The following ZNF594 variants were observed in gnomAD, a reference collection of about 807,000 sequenced individuals.
ZNF594 encodes zinc finger protein 594.
For synonymous variants in ZNF594, 336 were observed against 309.4 expected, an observed-to-expected ratio of 1.09 and a Z score of -0.90; for missense variants, 1,037 against 964.6, an observed-to-expected ratio of 1.08 and a Z score of -0.99.
At position 5,182,366 on chromosome 17, in the gene ZNF594, T is replaced by C. The variant is rs1318082298; in HGVS notation, c.1891A>G (p.Lys631Glu). 1 of 1,613,482 alleles carries C rather than the reference T, an allele frequency of 6.2e-7. No homozygotes were observed. Among genetic ancestry groups the C allele is most frequent in the East Asian group, 2.2e-5 (1 of 44,848 alleles). Residue 631 changes from lysine (K) to glutamate (E), a missense_variant, in exon 2 of 2, where the codon AAA becomes GAA. Physicochemically the swap from Lys to Glu is moderately conservative, Grantham distance 56. Transcript: ENST00000575779. Reference sequence around the variant, plus strand: ...AGATCTGAGCTACCCCTAAAAGATTTCCCACATTTGTTGCATACATAAGGT... The same window carrying C: ...AGATCTGAGCTACCCCTAAAAGATTCCCCACATTTGTTGCATACATAAGGT... Reference protein sequence around the residue: ...EKPYVCNKCGKSFRGSSDLIK... With the variant: ...EKPYVCNKCGESFRGSSDLIK...
At position 5,184,213 on chromosome 17, in the gene ZNF594, T is replaced by A. The variant is rs989885723; in HGVS notation, c.44A>T (p.Lys15Met). 3.1e-6 allele frequency: 5 copies of A among 1,613,172 alleles called. No homozygotes were observed. The highest frequency in any genetic ancestry group is 3.3e-4 in the Middle Eastern group (2 of 6,058). The change falls in exon 2 of 2, where the codon AAG becomes ATG. Residue 15 changes from lysine to methionine, a missense_variant. Lys to Met is a moderately conservative substitution (Grantham distance 95, BLOSUM62 -1). Transcript: ENST00000575779. ...KSKMEISEEKKSARAASEKLQ... is the reference protein window; with the variant it reads ...KSKMEISEEKMSARAASEKLQ... ...TTTTTCGGATGCAGCCCTTGCTGACTTCTTTTCTTCAGAAATTTCCATCTT... is the reference window on the plus strand; with the variant it reads ...TTTTTCGGATGCAGCCCTTGCTGACATCTTTTCTTCAGAAATTTCCATCTT...
In ZNF594 at chr17:5,181,278, C is replaced by G; in HGVS notation, c.*555G>C. 6.2e-7 allele frequency: 1 copy of G among 1,612,654 alleles called. No homozygotes were observed. Among genetic ancestry groups the G allele is most frequent in the Non-Finnish European group, 8.5e-7 (1 of 1,178,648 alleles). On this transcript the variant is annotated 3_prime_UTR_variant, in exon 2 of 2. Coordinates refer to ENST00000575779, the MANE Select transcript of ZNF594 (RefSeq NM_032530.2). ...TCTATGATGTCTCAGAAGGTCTGAG[C>G]TCTGATTGAAAGTTTTCCCACATTC...
chr17:5,191,326 G>C (rs1361701849), intron 1 of ZNF594: 1 of 152,186 alleles, frequency 6.6e-6, no homozygotes, highest in Non-Finnish European at 1.5e-5. Flanking sequence ...CTGAGTAGTA[G>C]AACATATATG....
At position 5,181,633 on chromosome 17, in the gene ZNF594, T is replaced by G. The variant is rs559796882; in HGVS notation, c.*200A>C. On this transcript the variant is annotated 3_prime_UTR_variant, in exon 2 of 2. Coordinates refer to ENST00000575779, the MANE Select transcript of ZNF594 (RefSeq NM_032530.2). ...CGCCTGAAGGCTTTTTCACATTCAG[T>G]GCACTGATAGGGCTTCTCTCCAGTG... 5.7e-6 allele frequency: 9 copies of G among 1,591,666 alleles called. No individual in the cohort carries two copies. The South Asian group carries it at 7.7e-5, about 14-fold the overall frequency.
chr17:5,181,097 G>T lies in ZNF594; in HGVS notation c.*736C>A. ...CTCTGGTATGAATTCTTTGATGACT[G>T]ACAAGGTGTGAGTTCTGACTGAAGG... On this transcript the variant is annotated 3_prime_UTR_variant, in exon 2 of 2. Transcript: ENST00000575779. 1.4e-6 allele frequency: 2 copies of T among 1,471,248 alleles called. No homozygotes were observed. Among genetic ancestry groups the T allele is most frequent in the South Asian group, 1.1e-5 (1 of 88,082 alleles). The allele number at this position is 1,471,248 out of a possible 1,614,324, so 91.1% of individuals were successfully genotyped here.
In ZNF594 at chr17:5,181,465, C is replaced by T. The variant is rs1406183988; in HGVS notation, c.*368G>A. ...TCCTCATCCTTGCTGAAGGTTTTCT[C>T]ACGTTCTTCAAGTTTCTCTCCAGCA... On this transcript the variant is annotated 3_prime_UTR_variant, in exon 2 of 2. Coordinates refer to ENST00000575779, the MANE Select transcript of ZNF594 (RefSeq NM_032530.2). 1.2e-6 allele frequency: 2 copies of T among 1,614,004 alleles called. No homozygotes were observed. The highest frequency in any genetic ancestry group is 2.2e-5 in the South Asian group (2 of 91,064).
At chr17:5,177,713 G>GT (rs2074315679), downstream of ZNF594, among the ~76,000 whole-genome samples, 1 of 152,144 alleles carries the variant, frequency 6.6e-6, no homozygotes, top group Non-Finnish European at 1.5e-5. Flanking sequence ...GCACGCACCT[G>GT]TAACTCCAGC....
intron 1 of ZNF594, among the ~76,000 whole-genome samples, chr17:5,185,687 A>T (rs1254239811): frequency 1.3e-5 from 2 of 152,226 alleles, no homozygotes. Context: ...ATGAGCCTGT[A>T]AAATCAAAAG....
In ZNF594 at chr17:5,183,363, A is replaced by T. The variant is rs1183589381; in HGVS notation, c.894T>A (p.Asn298Lys). The T allele has an allele frequency of 6.2e-7, 1 of 1,613,562 alleles. No individual in the cohort carries two copies. Among genetic ancestry groups the T allele is most frequent in the Admixed American group, 1.7e-5 (1 of 59,994 alleles). Residue 298 changes from asparagine to lysine, a missense_variant, in exon 2 of 2, where the codon AAT (asparagine) becomes AAA (lysine). Asn to Lys is a moderately conservative substitution (Grantham distance 94). Transcript: ENST00000575779. The part of the protein sequence containing the change: ...IHTGEKPLKC[N>K]ECEKAFRQHS... ...GCTGCCTGAAGGCTTTTTCACATTC[A>T]TTACATTTGAGGGGTTTCTCTCCAG...
chr17:5,180,705 C>T lies in ZNF594; in HGVS notation c.*1128G>A, dbSNP rs941162238. ...AAATAAATAATTTAAAAAATTGTAT[C>T]GTTGGGACCATATTCTAGTGTCAGT... On this transcript the variant is annotated 3_prime_UTR_variant, in exon 2 of 2. Coordinates refer to ENST00000575779, the MANE Select transcript of ZNF594 (RefSeq NM_032530.2). The T allele has an allele frequency of 4.1e-6, 1 of 245,178 alleles. No individual in the cohort carries two copies. Among genetic ancestry groups the T allele is most frequent in the Non-Finnish European group, 8.0e-6 (1 of 124,286 alleles). 15.2% of individuals were successfully genotyped at this position (245,178 alleles called of 1,614,324 possible).
downstream of ZNF594, among the ~76,000 whole-genome samples, chr17:5,177,800 C>A (rs1049400547): frequency 6.6e-6 from 1 of 152,220 alleles, no homozygotes; most frequent in Middle Eastern, 3.4e-3. Context: ...TGCGCCACTG[C>A]ACTCTAGCCT....
At chr17:5,185,841 C>T (rs1264994289) in intron 1 of ZNF594, among the ~76,000 whole-genome samples, 1 of 152,192 alleles carries the variant, frequency 6.6e-6, no homozygotes, top group South Asian at 2.1e-4. Context: ...AAATTTTAAA[C>T]CTCCAAAATG....
chr17:5,179,997 C>T lies in ZNF594; in HGVS notation c.*1836G>A, dbSNP rs948754529. 1 of 151,754 alleles carries T rather than the reference C, an allele frequency of 6.6e-6. No homozygotes were observed. Among genetic ancestry groups the T allele is most frequent in the African/African-American group, 2.4e-5 (1 of 41,282 alleles). 9.4% of individuals were successfully genotyped at this position (151,754 alleles called of 1,614,324 possible). On this transcript the variant is annotated 3_prime_UTR_variant, in exon 2 of 2. Coordinates refer to ENST00000575779, the MANE Select transcript of ZNF594 (RefSeq NM_032530.2). ...ATTACCTTCAAATCCCTGTAAGTAT[C>T]CTGTTTATCCTTATAAACATTAGCT...
In ZNF594 at chr17:5,183,476, G is replaced by C. The variant is rs1224491186; in HGVS notation, c.781C>G (p.His261Asp). The C allele has an allele frequency of 6.2e-7, 1 of 1,614,106 alleles. No individual in the cohort carries two copies. Among genetic ancestry groups the C allele is most frequent in the South Asian group, 1.1e-5 (1 of 91,084 alleles). The stretch of plus-strand genomic sequence containing the variant: ...CATTCATAGGGTTTCTCTCCAGTGT[G>C]AATTCTGTGATGTATAATAAGATCT... ...STDLIIHHRI[H>D]TGEKPYECYD... The change falls in exon 2 of 2, where the codon CAC (histidine) becomes GAC (aspartate). Residue 261 changes from histidine to aspartate, a missense_variant. His to Asp is a moderately conservative substitution (Grantham distance 81). Transcript: ENST00000575779.
rs375055466 is a variant in ZNF594 at position 5,183,898 on chromosome 17, A to G, written c.359T>C (p.Ile120Thr). 11 of 1,613,304 alleles carry G rather than the reference A, an allele frequency of 6.8e-6. No individual in the cohort carries two copies. The African/African-American group carries it at 1.5e-4, about 22-fold the overall frequency. The change falls in exon 2 of 2, where the codon ATT becomes ACT. Residue 120 changes from isoleucine to threonine, a missense_variant. Physicochemically the swap from Ile to Thr is moderately conservative, Grantham distance 89. Transcript: ENST00000575779. Reference protein sequence around the residue: ...QKSGLTEHQKIHNINKTYECK... With the variant: ...QKSGLTEHQKTHNINKTYECK... ...TTCATAGGTCTTATTTATATTATGA[A>G]TTTTCTGATGTTCAGTTAATCCTGA...
chr17:5,183,853 G>GT lies in ZNF594; in HGVS notation c.403dup (p.Thr135AsnfsTer19), dbSNP rs1158864058. ...GATCAGGTTTGAACTCCTGTTGAAG[G>GT]TTTTTTCACATTCCTTACATTCATA... is the stretch of plus-strand genomic sequence containing the variant. On this transcript the variant is annotated frameshift_variant, in exon 2 of 2. Coordinates refer to ENST00000575779, the MANE Select transcript of ZNF594 (RefSeq NM_032530.2). LOFTEE classifies it low-confidence loss of function (END_TRUNC). 3.7e-6 allele frequency: 6 copies of GT among 1,613,546 alleles called. No homozygotes were observed. Among genetic ancestry groups the GT allele is most frequent in the African/African-American group, 2.7e-5 (2 of 74,864 alleles).
downstream of ZNF594, among the ~76,000 whole-genome samples, chr17:5,177,252 G>A (rs1379385440): frequency 6.6e-6 from 1 of 151,258 alleles, no homozygotes; most frequent in Non-Finnish European, 1.5e-5. Context: ...GAAACCACTA[G>A]TGAAACCAAC....
chr17:5,183,810 AT>A lies in ZNF594; in HGVS notation c.446del (p.His149LeufsTer51), dbSNP rs1249966962. ...SSNLIIHQRI[H>X]TGNKPYVCNE... ...TACACACATATGGCTTATTTCCTGT[AT>A]GAATTCTCTGATGTATGATCAGGTT... On this transcript the variant is annotated frameshift_variant, in exon 2 of 2. Coordinates refer to ENST00000575779, the MANE Select transcript of ZNF594 (RefSeq NM_032530.2). LOFTEE classifies it low-confidence loss of function (END_TRUNC). 7 of 1,614,010 alleles carry A rather than the reference AT, an allele frequency of 4.3e-6. No homozygotes were observed. Among genetic ancestry groups the A allele is most frequent in the Non-Finnish European group, 5.9e-6 (7 of 1,180,034 alleles).
In ZNF594 at chr17:5,182,989, T is replaced by C; in HGVS notation, c.1268A>G (p.His423Arg). 1.9e-6 allele frequency: 3 copies of C among 1,614,152 alleles called. No homozygotes were observed. Among genetic ancestry groups the C allele is most frequent in the Non-Finnish European group, 2.5e-6 (3 of 1,180,022 alleles). ...AGGTTTTTCTCCACTGTGAATTCTA[T>C]GATGTCTCAGAAGGTCTGAGCTCTG... The part of the protein sequence containing the change: ...FNQSSDLLRH[H>R]RIHSGEKPCV... Residue 423 changes from histidine (H) to arginine (R), a missense_variant, in exon 2 of 2, where the codon CAT (histidine) becomes CGT (arginine). His to Arg is a conservative substitution (Grantham distance 29). Coordinates refer to ENST00000575779, the MANE Select transcript of ZNF594 (RefSeq NM_032530.2).
Sources: gnomAD v4.1 joint callset for allele counts (sites outside exome capture counted in the v4.1 genomes callset) on GRCh38, gnomAD v4.1.1 for gene constraint, MANE v1.5 for transcripts, NCBI Gene and HGNC (gene_info 2026-07-23, HGNC 2026-07-21) for gene names.